CDH12: variants seen among roughly 807,000 people sequenced by gnomAD.
CDH12 encodes the protein cadherin 12.
In CDH12, 41 loss-of-function variants were observed where a neutral mutation model predicts 74.1. The observed-to-expected ratio is 0.55, with a 90% CI of 0.43 to 0.72. The LOEUF (loss-of-function observed/expected upper bound fraction) is 0.72, where lower values mean the gene tolerates loss of function less well. Ranked by LOEUF, CDH12 falls within the 30% of genes least tolerant of loss-of-function variation. CDH12 has a pLI of 0.00. For missense variants in CDH12, 945 were observed against 977.2 expected, an observed-to-expected ratio of 0.97 and a Z score of 0.44; for synonymous variants, 399 against 355.0, an observed-to-expected ratio of 1.12 and a Z score of -1.39.
At chr5:21,755,972 G>T in intron 13 of CDH12, 130 bp from the exon 14 acceptor site, 1 of 843,882 alleles carries the variant, frequency 1.2e-6, no homozygotes, top group African/African-American at 1.7e-5. Context: ...TTTTATTTCT[G>T]TTCACATTAT....
At chr5:22,664,122 G>GT (rs1284996044) in intron 1 of CDH12, among the ~76,000 whole-genome samples, 1 of 152,116 alleles carries the variant, frequency 6.6e-6, no homozygotes, top group Non-Finnish European at 1.5e-5. Flanking sequence ...TAGGTCTTTT[G>GT]TTTTGAATTC....
chr5:22,238,214 C>T (rs1023495332), intron 3 of CDH12, among the ~76,000 whole-genome samples: 10 of 152,150 alleles, frequency 6.6e-5, no homozygotes, highest in Non-Finnish European at 1.0e-4. Flanking sequence ...AAGAGCTTCT[C>T]CAAGATGTTA....
intron 4 of CDH12, among the ~76,000 whole-genome samples, chr5:22,170,536 G>A (rs1229890457): frequency 6.6e-6 from 1 of 150,886 alleles, no homozygotes; most frequent in African/African-American, 2.4e-5. Context: ...CAAATGATGA[G>A]TTAACTTACA....
At chr5:21,855,349 C>T (rs1477414338) in intron 6 of CDH12, among the ~76,000 whole-genome samples, 1 of 151,426 alleles carries the variant, frequency 6.6e-6, no homozygotes, top group Non-Finnish European at 1.5e-5. Flanking sequence ...ATTGAATTAA[C>T]CTAAAGATAT....
intron 7 of CDH12, among the ~76,000 whole-genome samples, chr5:21,846,562 A>G (rs964705915): frequency 1.3e-5 from 2 of 151,932 alleles, no homozygotes; most frequent in African/African-American, 4.8e-5. Context: ...TTATTTTGTG[A>G]TATCTTTTCT....
In CDH12 at chr5:22,654,951, T is replaced by C. The variant is rs558964787; in HGVS notation, c.-522-149587A>G. ...GTGCCTCTTTCTAAGCTTTTATTTC[T>C]ATCTGATACCTCTCAGAATCCAGAC... On this transcript the variant is annotated intron_variant, in intron 1 of 14. Coordinates refer to ENST00000382254, the MANE Select transcript of CDH12 (RefSeq NM_004061.5). Among the ~76,000 whole-genome samples the C allele has an allele frequency of 3.7e-4, 56 of 152,288 alleles. No homozygotes were observed. In the South Asian group the frequency reaches 0.011, roughly 31 times the overall value.
chr5:22,224,711 T>C (rs1752135053), intron 3 of CDH12, among the ~76,000 whole-genome samples: 1 of 152,050 alleles, frequency 6.6e-6, no homozygotes, highest in African/African-American at 2.4e-5. Flanking sequence ...CTTGAGTCAG[T>C]TGTCGGCAAT....
intron 2 of CDH12, among the ~76,000 whole-genome samples, chr5:22,457,051 C>A (rs1745305389): frequency 1.3e-5 from 2 of 151,958 alleles, no homozygotes; most frequent in Non-Finnish European, 2.9e-5. Context: ...GACATGAAAG[C>A]AATCAAGCTT....
intron 8 of CDH12, among the ~76,000 whole-genome samples, chr5:21,835,422 A>G (rs181442275): frequency 6.6e-6 from 1 of 151,880 alleles, no homozygotes; most frequent in East Asian, 1.9e-4. Flanking sequence ...TACATCACAG[A>G]ACACTTGTTT....
intron 9 of CDH12, among the ~76,000 whole-genome samples, chr5:21,803,029 A>T (rs541114595): frequency 7.2e-5 from 11 of 152,302 alleles, no homozygotes; most frequent in African/African-American, 2.2e-4. Context: ...AAGTTAAAAC[A>T]GCAACAGAAC....
intron 1 of CDH12, among the ~76,000 whole-genome samples, chr5:22,684,625 C>T (rs950479279): frequency 6.6e-6 from 1 of 152,200 alleles, no homozygotes; most frequent in Non-Finnish European, 1.5e-5. Context: ...AATCTAGACT[C>T]AGAGAAATCT....
intron 6 of CDH12, among the ~76,000 whole-genome samples, chr5:21,868,891 A>C (rs1393281551): frequency 6.6e-6 from 1 of 152,144 alleles, no homozygotes; most frequent in Non-Finnish European, 1.5e-5. Flanking sequence ...AAAGGACATT[A>C]ATTTTGAGGG....
intron 3 of CDH12, among the ~76,000 whole-genome samples, chr5:22,225,108 C>A (rs1487266179): frequency 6.6e-6 from 1 of 151,978 alleles, no homozygotes; most frequent in Non-Finnish European, 1.5e-5. Flanking sequence ...ACCAAAGCCA[C>A]TCAGATAGCT....
chr5:22,283,217 G>T (rs6878687), intron 3 of CDH12, among the ~76,000 whole-genome samples: 1,203 of 77,440 alleles, frequency 0.016, 11 homozygotes, highest in African/African-American at 0.059. Context: ...TATATATATA[G>T]ATATATATAT....
intron 2 of CDH12, among the ~76,000 whole-genome samples, chr5:22,430,593 T>G (rs569438170): frequency 6.6e-6 from 1 of 152,274 alleles, no homozygotes; most frequent in South Asian, 2.1e-4. Flanking sequence ...GAAAATCAGC[T>G]GCAAGAGTAC....
intron 3 of CDH12, among the ~76,000 whole-genome samples, chr5:22,318,402 A>T (rs540899867): frequency 8.5e-5 from 13 of 152,194 alleles, no homozygotes; most frequent in Non-Finnish European, 1.9e-4. Context: ...ACATATGTGC[A>T]CTGTTGCAAT....
chr5:22,159,948 T>A (rs72742016), intron 4 of CDH12, among the ~76,000 whole-genome samples: 10,647 of 152,270 alleles, frequency 0.07, 472 homozygotes, highest in South Asian at 0.15. Flanking sequence ...TGTGTGCCTG[T>A]GTGTGTATGA....
intron 1 of CDH12, among the ~76,000 whole-genome samples, chr5:22,661,671 G>A (rs1014043846): frequency 3.3e-5 from 5 of 152,020 alleles, no homozygotes; most frequent in Non-Finnish European, 5.9e-5. Flanking sequence ...ATCAATTTAA[G>A]ATTGTTAAAT....
chr5:22,837,867 T>A (rs1045414620), intron 1 of CDH12, among the ~76,000 whole-genome samples: 7 of 152,176 alleles, frequency 4.6e-5, no homozygotes, highest in African/African-American at 1.7e-4. Context: ...TTGAAAGAAG[T>A]GTGCTTGGAA....
Sources: allele counts gnomAD v4.1 joint callset (sites outside exome capture counted in the v4.1 genomes callset), GRCh38; gene constraint gnomAD v4.1.1; transcripts MANE v1.5; gene names NCBI Gene and HGNC (gene_info 2026-07-23, HGNC 2026-07-21).